Variants in CCDC178 observed in about 807,000 individuals in gnomAD.
The protein encoded by CCDC178 is coiled-coil domain-containing protein 178.
A neutral mutation model predicts 117.4 loss-of-function variants in CCDC178; 126 were observed. The ratio of observed to expected loss-of-function variants is 1.07; its 90% CI spans 0.93 to 1.24. The LOEUF is 1.24. CCDC178 is among the 50% of genes most tolerant of loss of function. The pLI is 0.00. For synonymous variants in CCDC178, 283 were observed against 313.4 expected, an observed-to-expected ratio of 0.90 and a Z score of 1.02; for missense variants, 1,030 against 986.9, an observed-to-expected ratio of 1.04 and a Z score of -0.59.
At chr18:33,266,061 C>G (rs1472127257) in intron 14 of CCDC178, among the ~76,000 whole-genome samples, 1 of 151,972 alleles carries the variant, frequency 6.6e-6, no homozygotes, top group Non-Finnish European at 1.5e-5. Flanking sequence ...TGAAGGAGAT[C>G]ATGAGCTTGA....
Position 33,397,224 on chromosome 18 carries a change from T to C in CCDC178, c.59-16A>G, listed in dbSNP as rs754867754. On this transcript the variant is annotated splice_polypyrimidine_tract_variant and intron_variant, in intron 3 of 22. Transcript: ENST00000383096. ...CATGTTAAACCTATAAAAGGTAAAA[T>C]AAAACAAAATAAAATATCTGCTTCC... is the stretch of plus-strand genomic sequence containing the variant. 3 of 1,524,892 alleles carry C rather than the reference T, an allele frequency of 2.0e-6. No individual in the cohort carries two copies. The allele number at this position is 1,524,892 out of a possible 1,614,324, so 94.5% of individuals were successfully genotyped here. A position where few individuals can be genotyped will look rare whatever the true frequency, so the allele number is the denominator to read the frequency against.
intron 21 of CCDC178, among the ~76,000 whole-genome samples, chr18:33,080,197 C>T (rs375889675): frequency 2.1e-4 from 32 of 152,122 alleles, no homozygotes; most frequent in African/African-American, 7.7e-4. Context: ...CTCACATGCT[C>T]TCACTTATAA....
chr18:33,078,502 G>A (rs1390605381), intron 21 of CCDC178, among the ~76,000 whole-genome samples: 1 of 152,180 alleles, frequency 6.6e-6, no homozygotes, highest in African/African-American at 2.4e-5. Flanking sequence ...ATCCCTGTTT[G>A]CAGACGACAT....
intron 5 of CCDC178, among the ~76,000 whole-genome samples, chr18:33,377,292 T>A (rs1233791205): frequency 6.7e-6 from 1 of 149,668 alleles, no homozygotes; most frequent in African/African-American, 2.4e-5. Context: ...CTTAATAGGG[T>A]TGTTTTAAGC....
At chr18:33,297,907 T>C (rs2062126199) in intron 11 of CCDC178, among the ~76,000 whole-genome samples, 1 of 151,970 alleles carries the variant, frequency 6.6e-6, no homozygotes, top group African/African-American at 2.4e-5. Context: ...CCAGACGTGG[T>C]GGCGGGCGCC....
chr18:33,332,985 A>G (rs577038244), intron 10 of CCDC178, among the ~76,000 whole-genome samples, 189 bp downstream of exon 10: 2 of 152,118 alleles, frequency 1.3e-5, no homozygotes, highest in African/African-American at 4.8e-5. Context: ...ATAATCTTAA[A>G]TATAATGGTA....
intron 21 of CCDC178, among the ~76,000 whole-genome samples, chr18:33,020,833 T>C (rs1297730192): frequency 6.6e-6 from 1 of 152,218 alleles, no homozygotes; most frequent in African/African-American, 2.4e-5. Context: ...TTAGGTTGTA[T>C]TTACTGACTA....
rs551097065 is a variant in CCDC178 at position 33,291,318 on chromosome 18, T to C, written c.1176+1841A>G. ...AGGTTGGGTAAATATATTTTTAACATTTGTAACTAGAAAATATTTAGTATC... is the reference window on the plus strand; with the variant it reads ...AGGTTGGGTAAATATATTTTTAACACTTGTAACTAGAAAATATTTAGTATC... On this transcript the variant is annotated intron_variant, in intron 12 of 22. Transcript: ENST00000383096. 2.6e-5 allele frequency among the ~76,000 whole-genome samples: 4 copies of C among 152,158 alleles called. No individual in the cohort carries two copies. The South Asian group carries it at 8.3e-4, about 31-fold the overall frequency.
chr18:33,397,536 T>C (rs1356570066), intron 3 of CCDC178, among the ~76,000 whole-genome samples: 1 of 152,180 alleles, frequency 6.6e-6, no homozygotes, highest in Admixed American at 6.5e-5. Flanking sequence ...AGAACTTAAA[T>C]GAAGGTTTAA....
intron 22 of CCDC178, among the ~76,000 whole-genome samples, chr18:32,952,263 G>A (rs2054503600): frequency 1.3e-5 from 2 of 152,240 alleles, no homozygotes; most frequent in Non-Finnish European, 2.9e-5. Context: ...TGCCCTAGCA[G>A]AAGTTCTCCA....
At position 33,344,076 on chromosome 18, in the gene CCDC178, G is replaced by A. The variant is rs191182996; in HGVS notation, c.658+2135C>T. Among the ~76,000 whole-genome samples, 129 of 150,700 alleles carry A rather than the reference G, an allele frequency of 8.6e-4. 3 individuals carry two copies. In the East Asian group the frequency reaches 0.023, roughly 27 times the overall value. On this transcript the variant is annotated intron_variant, in intron 9 of 22. Coordinates refer to ENST00000383096, the MANE Select transcript of CCDC178 (RefSeq NM_001105528.4). ...TCCCAGCACTTTGGGAGGCCGAGGC[G>A]GGTGGATCATGAGGTCAGGAGATCG...
chr18:33,369,634 A>G (rs549670055), intron 6 of CCDC178, among the ~76,000 whole-genome samples: 3 of 152,130 alleles, frequency 2.0e-5, no homozygotes, highest in South Asian at 4.1e-4. Flanking sequence ...ATTCCTTTTC[A>G]ATAGAACTAT....
At chr18:33,043,292 T>G (rs900748688) in intron 21 of CCDC178, among the ~76,000 whole-genome samples, 41 of 152,104 alleles carry the variant, frequency 2.7e-4, no homozygotes, top group Admixed American at 2.6e-4. Flanking sequence ...ATATTGACAT[T>G]ATACAGAGAC....
At chr18:33,102,490 G>A (rs2057644406) in intron 20 of CCDC178, among the ~76,000 whole-genome samples, 1 of 151,054 alleles carries the variant, frequency 6.6e-6, no homozygotes, top group African/African-American at 2.4e-5. Context: ...AAACATTAGG[G>A]CTATTGCCAC....
intron 2 of CCDC178, among the ~76,000 whole-genome samples, chr18:33,428,779 G>A (rs1185915035): frequency 1.4e-5 from 2 of 147,558 alleles, no homozygotes; most frequent in African/African-American, 5.0e-5. Context: ...GAATTAGGGA[G>A]TGGATGGAGT....
chr18:32,983,360 T>C, intron 21 of CCDC178: 2 of 1,488,534 alleles, frequency 1.3e-6, no homozygotes, highest in Non-Finnish European at 1.8e-6. Flanking sequence ...AACCTAAGAA[T>C]AGAAATATTA....
chr18:33,083,398 T>G (rs2057327788), intron 21 of CCDC178, among the ~76,000 whole-genome samples: 3 of 152,236 alleles, frequency 2.0e-5, no homozygotes, highest in Admixed American at 2.0e-4. Context: ...TGTCAATTTG[T>G]TCTTCATAGG....
intron 21 of CCDC178, among the ~76,000 whole-genome samples, chr18:33,072,020 T>G (rs2057117563): frequency 6.6e-6 from 1 of 152,060 alleles, no homozygotes; most frequent in South Asian, 2.1e-4. Context: ...CTGCCTATAC[T>G]CCACAGGAAA....
chr18:32,995,328 C>T (rs543475427), intron 21 of CCDC178, among the ~76,000 whole-genome samples: 7 of 152,126 alleles, frequency 4.6e-5, no homozygotes, highest in African/African-American at 1.7e-4. Flanking sequence ...GTTGTTTAGT[C>T]CTGGATGTGA....
Sources: gnomAD v4.1 joint callset for allele counts (sites outside exome capture counted in the v4.1 genomes callset) on GRCh38, gnomAD v4.1.1 for gene constraint, MANE v1.5 for transcripts, NCBI Gene and HGNC (gene_info 2026-07-23, HGNC 2026-07-21) for gene names.